The following SGCZ variants were observed in gnomAD, a reference collection of about 807,000 sequenced individuals.
SGCZ encodes zeta-sarcoglycan.
In SGCZ, 40 loss-of-function variants were observed where a neutral mutation model predicts 41.3. The ratio of observed to expected loss-of-function variants is 0.97; its 90% CI spans 0.75 to 1.26. SGCZ has a LOEUF of 1.26. Ranked by LOEUF, SGCZ falls within the 50% of genes most tolerant of loss-of-function variation. The probability of loss-of-function intolerance (pLI) is 0.00; values close to 1 mark genes in which losing one functional copy is unlikely to be tolerated. For synonymous variants in SGCZ, 206 were observed against 137.5 expected, an observed-to-expected ratio of 1.50 and a Z score of -3.49; for missense variants, 552 against 369.8, an observed-to-expected ratio of 1.49 and a Z score of -4.04.
intron 5 of SGCZ, among the ~76,000 whole-genome samples, chr8:14,115,044 CA>C (rs201297024): frequency 6.6e-6 from 1 of 151,572 alleles, no homozygotes; most frequent in Non-Finnish European, 1.5e-5. Flanking sequence ...TTCCTACCTC[CA>C]AAAAAAATGA....
intron 4 of SGCZ, among the ~76,000 whole-genome samples, chr8:14,207,380 A>G (rs1278435348): frequency 6.6e-6 from 1 of 152,202 alleles, no homozygotes; most frequent in Non-Finnish European, 1.5e-5. Context: ...GAGTAGCATT[A>G]AGATTCATTG....
intron 1 of SGCZ, among the ~76,000 whole-genome samples, chr8:14,870,038 A>G (rs1804088071): frequency 6.6e-6 from 1 of 152,178 alleles, no homozygotes; most frequent in Admixed American, 6.5e-5. Flanking sequence ...TATCCCCATC[A>G]AGCTACCATT....
chr8:14,120,957 A>C (rs900858410), intron 5 of SGCZ, among the ~76,000 whole-genome samples: 3 of 152,120 alleles, frequency 2.0e-5, no homozygotes, highest in African/African-American at 7.2e-5. Flanking sequence ...GAATATCAGG[A>C]ATAATAAGGC....
intron 4 of SGCZ, among the ~76,000 whole-genome samples, chr8:14,204,862 G>C (rs999753356): frequency 1.3e-5 from 2 of 152,092 alleles, no homozygotes; most frequent in Non-Finnish European, 2.9e-5. Flanking sequence ...CCATCTGATA[G>C]TTACGTCATT....
chr8:14,385,455 G>A (rs1417425569), intron 2 of SGCZ, among the ~76,000 whole-genome samples: 1 of 152,104 alleles, frequency 6.6e-6, no homozygotes, highest in Non-Finnish European at 1.5e-5. Context: ...GCCCTCACTG[G>A]CCACTTAGTC....
At chr8:14,390,680 C>A (rs1156864146) in intron 2 of SGCZ, among the ~76,000 whole-genome samples, 1 of 151,622 alleles carries the variant, frequency 6.6e-6, no homozygotes, top group Non-Finnish European at 1.5e-5. Context: ...ACAAAGTGCA[C>A]CTTTTGAAGT....
intron 7 of SGCZ, among the ~76,000 whole-genome samples, chr8:14,092,840 A>G (rs1398146685): frequency 2.0e-5 from 3 of 152,046 alleles, no homozygotes; most frequent in Admixed American, 2.0e-4. Context: ...GTAAAAATGA[A>G]CCAATACAGT....
intron 1 of SGCZ, among the ~76,000 whole-genome samples, chr8:15,101,849 G>A (rs532061291): frequency 6.6e-6 from 1 of 152,222 alleles, no homozygotes; most frequent in Non-Finnish European, 1.5e-5. Context: ...TGCTTGAACC[G>A]GGGAGGCGGA....
intron 1 of SGCZ, among the ~76,000 whole-genome samples, chr8:15,236,578 C>A (rs1217863447): frequency 1.3e-5 from 2 of 152,160 alleles, no homozygotes; most frequent in Non-Finnish European, 2.9e-5. Flanking sequence ...GTGTCGCCCC[C>A]TTTCCCGCTT....
Position 14,090,155 on chromosome 8 carries a change from C to T in SGCZ, c.*288G>A, listed in dbSNP as rs1801641599. 4.1e-6 allele frequency: 1 copy of T among 246,690 alleles called. No homozygotes were observed. Among genetic ancestry groups the T allele is most frequent in the African/African-American group, 2.2e-5 (1 of 44,962 alleles). The allele number at this position is 246,690 out of a possible 1,614,324, so 15.3% of individuals were successfully genotyped here. A position where few individuals can be genotyped will look rare whatever the true frequency, so the allele number is the denominator to read the frequency against. ...TGCAAAAATCTAAAACTGTGTGCTT[C>T]ACTTCGCGTAGCAAAGGCACCTATG... On this transcript the variant is annotated 3_prime_UTR_variant, in exon 8 of 8. Coordinates refer to ENST00000382080, the MANE Select transcript of SGCZ (RefSeq NM_139167.4).
chr8:15,026,556 T>C (rs1803463802), intron 1 of SGCZ, among the ~76,000 whole-genome samples: 1 of 152,186 alleles, frequency 6.6e-6, no homozygotes, highest in African/African-American at 2.4e-5. Flanking sequence ...TTGTCAACGC[T>C]GTAATCCCAG....
intron 5 of SGCZ, among the ~76,000 whole-genome samples, chr8:14,117,407 TCTGTGTG>T (rs1336210046): frequency 0.01 from 981 of 96,924 alleles, 4 homozygotes; most frequent in Admixed American, 0.013. Flanking sequence ...GATGCACACA[TCTGTGTG>T]TGTGTGTGTG....
intron 1 of SGCZ, among the ~76,000 whole-genome samples, chr8:14,962,906 C>T (rs1367056700): frequency 2.0e-5 from 3 of 152,064 alleles, no homozygotes; most frequent in African/African-American, 7.2e-5. Flanking sequence ...AACAAAAAAT[C>T]CATATTAAAT....
At chr8:14,781,811 A>G (rs1183717016) in intron 1 of SGCZ, among the ~76,000 whole-genome samples, 1 of 152,160 alleles carries the variant, frequency 6.6e-6, no homozygotes, top group Non-Finnish European at 1.5e-5. Context: ...ACATTAACCT[A>G]TAGTTGGGCA....
chr8:14,967,989 A>T (rs6995131), intron 1 of SGCZ, among the ~76,000 whole-genome samples: 2,630 of 152,276 alleles, frequency 0.017, 85 homozygotes, highest in African/African-American at 0.06. Flanking sequence ...AAGTAAATGA[A>T]TGGGCAATGC....
intron 7 of SGCZ, among the ~76,000 whole-genome samples, chr8:14,098,874 C>A (rs541433208): frequency 2.6e-5 from 4 of 152,134 alleles, no homozygotes; most frequent in South Asian, 2.1e-4. Flanking sequence ...AGTACTCAAG[C>A]CTTATGATGA....
At chr8:14,846,099 CCT>C (rs1291955353) in intron 1 of SGCZ, among the ~76,000 whole-genome samples, 3 of 152,160 alleles carry the variant, frequency 2.0e-5, no homozygotes, top group South Asian at 4.2e-4. Context: ...TTTCAAAACA[CCT>C]CTCTCAATAA....
intron 1 of SGCZ, among the ~76,000 whole-genome samples, chr8:14,730,433 T>C (rs1477720138): frequency 6.6e-6 from 1 of 150,768 alleles, no homozygotes; most frequent in Non-Finnish European, 1.5e-5. Flanking sequence ...TGCAACCTGC[T>C]CTTGTATGTT....
At chr8:14,176,931 C>A (rs1183034590) in intron 4 of SGCZ, among the ~76,000 whole-genome samples, 1 of 152,178 alleles carries the variant, frequency 6.6e-6, no homozygotes. Context: ...CTAATAAACT[C>A]AAGAACACAT....
Sources: allele counts gnomAD v4.1 joint callset (sites outside exome capture counted in the v4.1 genomes callset), GRCh38; gene constraint gnomAD v4.1.1; transcripts MANE v1.5; gene names NCBI Gene and HGNC (gene_info 2026-07-23, HGNC 2026-07-21).